Variants in KAT6B observed in about 807,000 individuals in gnomAD.
The protein encoded by KAT6B is histone acetyltransferase KAT6B.
A neutral mutation model predicts 187.5 loss-of-function variants in KAT6B; 10 were observed. That is an observed-to-expected ratio of 0.05 (90% confidence interval 0.03 to 0.09). The LOEUF is 0.09. Among genes scored for constraint, KAT6B ranks in the 10% least tolerant of loss-of-function variants. The pLI is 1.00. For missense variants in KAT6B, 1,952 were observed against 2,558.9 expected, an observed-to-expected ratio of 0.76 and a Z score of 5.12; for synonymous variants, 861 against 926.8, an observed-to-expected ratio of 0.93 and a Z score of 1.29.
At chr10:74,877,473 T>G (rs1844506679) in intron 3 of KAT6B, among the ~76,000 whole-genome samples, 4 of 152,214 alleles carry the variant, frequency 2.6e-5, no homozygotes, top group Admixed American at 2.6e-4. Context: ...GCTCAGAGAC[T>G]CCCTTTATTG....
At chr10:74,971,893 T>G (rs1445208203) in intron 6 of KAT6B, among the ~76,000 whole-genome samples, 4 of 152,122 alleles carry the variant, frequency 2.6e-5, no homozygotes, top group Admixed American at 6.5e-5. Context: ...ATTGAATCAT[T>G]TCATCCTTTC....
At chr10:74,995,533 T>G (rs1191738400) in intron 13 of KAT6B, among the ~76,000 whole-genome samples, 2 of 152,222 alleles carry the variant, frequency 1.3e-5, no homozygotes, top group Admixed American at 6.5e-5. Flanking sequence ...TGTTTCTTTG[T>G]GTACAAATGA....
At chr10:74,882,419 T>G (rs1046057715) in intron 3 of KAT6B, among the ~76,000 whole-genome samples, 1 of 152,242 alleles carries the variant, frequency 6.6e-6, no homozygotes, top group African/African-American at 2.4e-5. Context: ...CCTCTGGTAA[T>G]TAAACTTTGT....
chr10:74,967,260 G>A (rs1841543047), intron 4 of KAT6B, among the ~76,000 whole-genome samples: 1 of 151,656 alleles, frequency 6.6e-6, no homozygotes, highest in African/African-American at 2.4e-5. Flanking sequence ...AACCTGGGAG[G>A]TGGAGCTTGC....
At chr10:75,010,145 T>TG (rs1245474036) in intron 13 of KAT6B, among the ~76,000 whole-genome samples, 2 of 152,062 alleles carry the variant, frequency 1.3e-5, no homozygotes, top group South Asian at 2.1e-4. Context: ...GCAATAACCC[T>TG]GGGGGGACAC....
chr10:74,980,032 G>T (rs1312551263), intron 10 of KAT6B, among the ~76,000 whole-genome samples: 1 of 152,206 alleles, frequency 6.6e-6, no homozygotes, highest in Non-Finnish European at 1.5e-5. Flanking sequence ...GATAGGACAT[G>T]CCTGTAATCC....
intron 12 of KAT6B, among the ~76,000 whole-genome samples, chr10:74,985,888 T>C (rs1842777361): frequency 6.6e-6 from 1 of 151,968 alleles, no homozygotes; most frequent in Non-Finnish European, 1.5e-5. Flanking sequence ...CTACTAAAAA[T>C]GCAAGAAATT....
intron 3 of KAT6B, among the ~76,000 whole-genome samples, chr10:74,952,846 A>ATTTTTTGTTT (rs1840410112): frequency 1.1e-5 from 1 of 90,520 alleles, no homozygotes; most frequent in African/African-American, 4.1e-5. Context: ...TGCCTGGCTA[A>ATTTTTTGTTT]TTTTTTTTTT....
chr10:74,867,999 C>A (rs921765221), intron 3 of KAT6B, among the ~76,000 whole-genome samples: 3 of 152,158 alleles, frequency 2.0e-5, no homozygotes, highest in Non-Finnish European at 4.4e-5. Flanking sequence ...AATTTTTTAA[C>A]CTAGTGCTTT....
At chr10:74,888,598 A>G (rs1459533331) in intron 3 of KAT6B, among the ~76,000 whole-genome samples, 2 of 152,252 alleles carry the variant, frequency 1.3e-5, no homozygotes, top group East Asian at 1.9e-4. Context: ...GCAATGAGAA[A>G]AAATGGGTGT....
At chr10:74,977,872 T>G (rs1420103509) in intron 9 of KAT6B, among the ~76,000 whole-genome samples, 1 of 152,274 alleles carries the variant, frequency 6.6e-6, no homozygotes, top group Non-Finnish European at 1.5e-5. Context: ...TCTTCTGCAT[T>G]GATGAAAACA....
At chr10:74,974,992 C>T (rs1842064108) in intron 7 of KAT6B, among the ~76,000 whole-genome samples, 1 of 152,136 alleles carries the variant, frequency 6.6e-6, no homozygotes, top group African/African-American at 2.4e-5. Flanking sequence ...TCTTCTTTTG[C>T]TTCTGGATAA....
intron 3 of KAT6B, among the ~76,000 whole-genome samples, chr10:74,947,179 T>C (rs973850431): frequency 2.5e-4 from 38 of 152,238 alleles, no homozygotes; most frequent in Admixed American, 2.5e-3. Flanking sequence ...GTATTTTTAA[T>C]AGAGATGGGG....
intron 13 of KAT6B, among the ~76,000 whole-genome samples, chr10:75,009,230 T>C (rs1015498442): frequency 2.6e-5 from 4 of 152,338 alleles, no homozygotes; most frequent in Admixed American, 2.6e-4. Context: ...GTTCCTGTTA[T>C]TTACGTAGTT....
At chr10:74,916,211 T>A (rs547591750) in intron 3 of KAT6B, among the ~76,000 whole-genome samples, 14 of 152,352 alleles carry the variant, frequency 9.2e-5, no homozygotes, top group Admixed American at 6.5e-4. Flanking sequence ...TATACTCATG[T>A]GCTATTATAG....
In KAT6B at chr10:75,029,167, G is replaced by A. The variant is rs1385365680; in HGVS notation, c.4343G>A (p.Ser1448Asn). The A allele has an allele frequency of 6.2e-7, 1 of 1,614,134 alleles. No homozygotes were observed. The highest frequency in any genetic ancestry group is 8.5e-7 in the Non-Finnish European group (1 of 1,180,030). Residue 1448 changes from serine (S) to asparagine (N), a missense_variant, in exon 18 of 18, where the codon AGC becomes AAC. This residue lies in a region of KAT6B where 758 missense variants were observed against 891.4 expected (regional missense o/e 0.85). Coordinates refer to ENST00000287239, the MANE Select transcript of KAT6B (RefSeq NM_012330.4). The surrounding 1 kb of genome is among the most constrained non-coding windows in gnomAD (Gnocchi z 6.2). ...EVEKEELPRE[S>N]FKEVLENQET... ...GAGAAGGAAGAGCTGCCCAGAGAAA[G>A]CTTCAAAGAAGTACTGGAAAACCAG...
chr10:75,003,409 A>G (rs1382385857), intron 13 of KAT6B, among the ~76,000 whole-genome samples: 2 of 152,240 alleles, frequency 1.3e-5, no homozygotes, highest in Non-Finnish European at 2.9e-5. Flanking sequence ...CAAGGCAATC[A>G]TTAAAGAATA....
chr10:74,982,105 C>T, intron 11 of KAT6B, 177 bp downstream of exon 11: 1 of 599,842 alleles, frequency 1.7e-6, no homozygotes, highest in Non-Finnish European at 2.9e-6. Context: ...TATTAAGCAA[C>T]CATTTAGACT....
chr10:74,925,743 T>C (rs1241290532), intron 3 of KAT6B, among the ~76,000 whole-genome samples: 1 of 152,226 alleles, frequency 6.6e-6, no homozygotes, highest in East Asian at 1.9e-4. Flanking sequence ...CTTATAACAG[T>C]GTTATCACTA....
Sources: gnomAD v4.1 joint callset for allele counts (sites outside exome capture counted in the v4.1 genomes callset) on GRCh38, gnomAD v4.1.1 for gene constraint, gnomAD v4.1.1 regional missense constraint, Gnocchi (gnomAD v3.1) non-coding constraint, MANE v1.5 for transcripts, NCBI Gene and HGNC (gene_info 2026-07-23, HGNC 2026-07-21) for gene names.